The following DLGAP1 variants were observed in gnomAD, a reference collection of about 807,000 sequenced individuals.
DLGAP1 encodes disks large-associated protein 1.
A neutral mutation model predicts 90.8 loss-of-function variants in DLGAP1; 11 were observed. That is an observed-to-expected ratio of 0.12 (90% CI 0.08 to 0.20). DLGAP1 has a LOEUF of 0.20. Among genes scored for constraint, DLGAP1 ranks in the 10% least tolerant of loss-of-function variants. The pLI is 1.00. For missense variants in DLGAP1, 1,050 were observed against 1,333.8 expected, an observed-to-expected ratio of 0.79 and a Z score of 3.31; for synonymous variants, 558 against 540.7, an observed-to-expected ratio of 1.03 and a Z score of -0.44.
At chr18:4,229,021 A>G (rs2078247391) in intron 1 of DLGAP1, among the ~76,000 whole-genome samples, 1 of 152,106 alleles carries the variant, frequency 6.6e-6, no homozygotes, top group African/African-American at 2.4e-5. Flanking sequence ...AAGCATCAGT[A>G]GCATTTATAT....
chr18:3,885,622 T>G (rs1295813328), intron 3 of DLGAP1, among the ~76,000 whole-genome samples: 3 of 152,246 alleles, frequency 2.0e-5, no homozygotes, highest in Admixed American at 1.3e-4. Context: ...ATGGGGACTG[T>G]GGTCAGCATG....
At chr18:4,307,087 G>T (rs2080280822) in intron 1 of DLGAP1, among the ~76,000 whole-genome samples, 1 of 152,164 alleles carries the variant, frequency 6.6e-6, no homozygotes, top group South Asian at 2.1e-4. Context: ...GGAAATTTCA[G>T]ATTTTACACA....
Position 3,582,043 on chromosome 18 carries a change from C to G in DLGAP1, c.1797G>C (p.Leu599=). 6.2e-7 allele frequency: 1 copy of G among 1,612,042 alleles called. No homozygotes were observed. The highest frequency in any genetic ancestry group is 8.5e-7 in the Non-Finnish European group (1 of 1,179,690). ...STESLDSMKA[L]TAAIEAANAQ... is the part of the protein sequence containing the mutation. ...CGTTTGCAGCTTCGATGGCGGCTGT[C>G]AGAGCCTTCATACTGTCCAGGCTCT... The change falls in exon 8 of 13, where the codon CTG becomes CTC. Residue 599 remains leucine, a synonymous_variant. Coordinates refer to ENST00000315677, the MANE Select transcript of DLGAP1 (RefSeq NM_004746.4).
At chr18:3,748,860 C>T (rs1353680596) in intron 5 of DLGAP1, among the ~76,000 whole-genome samples, 1 of 152,130 alleles carries the variant, frequency 6.6e-6, no homozygotes, top group Non-Finnish European at 1.5e-5. Context: ...TTTCAGTAAC[C>T]TTACCTATAA....
At chr18:4,000,539 G>A (rs1023810949) in intron 3 of DLGAP1, among the ~76,000 whole-genome samples, 1 of 152,066 alleles carries the variant, frequency 6.6e-6, no homozygotes, top group Non-Finnish European at 1.5e-5. Flanking sequence ...TTCTATTGTC[G>A]ATGATTCTCT....
chr18:3,685,578 A>T (rs1162838325), intron 7 of DLGAP1, among the ~76,000 whole-genome samples: 1 of 149,882 alleles, frequency 6.7e-6, no homozygotes, highest in African/African-American at 2.5e-5. Context: ...AAAAAAAAAA[A>T]AAAAAAAAAA....
chr18:4,302,938 G>T (rs972706030), intron 1 of DLGAP1, among the ~76,000 whole-genome samples: 1 of 151,368 alleles, frequency 6.6e-6, no homozygotes. Flanking sequence ...TTATTTTTTT[G>T]GTTAACTTTA....
At chr18:3,532,809 C>T (rs2052097123) in intron 10 of DLGAP1, among the ~76,000 whole-genome samples, 1 of 152,058 alleles carries the variant, frequency 6.6e-6, no homozygotes, top group Admixed American at 6.6e-5. Context: ...AAACATACAA[C>T]ATTAAAATAC....
At chr18:3,634,970 C>T (rs978747137) in intron 7 of DLGAP1, among the ~76,000 whole-genome samples, 4 of 152,028 alleles carry the variant, frequency 2.6e-5, no homozygotes, top group Non-Finnish European at 5.9e-5. Context: ...AGACATTTTC[C>T]CTGGCTCCTG....
At chr18:3,856,476 G>C (rs1184545947) in intron 4 of DLGAP1, among the ~76,000 whole-genome samples, 1 of 152,092 alleles carries the variant, frequency 6.6e-6, no homozygotes, top group Admixed American at 6.6e-5. Flanking sequence ...GGTGAAGTGA[G>C]GTCAACAGAA....
At chr18:4,298,208 T>C (rs1419047594) in intron 1 of DLGAP1, among the ~76,000 whole-genome samples, 1 of 152,204 alleles carries the variant, frequency 6.6e-6, no homozygotes, top group African/African-American at 2.4e-5. Flanking sequence ...CAGCCCTTTC[T>C]AGATGCGAGG....
chr18:3,501,901 A>C (rs59174200), intron 12 of DLGAP1, among the ~76,000 whole-genome samples: 36 of 149,122 alleles, frequency 2.4e-4, no homozygotes, highest in African/African-American at 8.4e-4. Flanking sequence ...TGAGGACCCC[A>C]GTGAGCAATA....
intron 3 of DLGAP1, among the ~76,000 whole-genome samples, chr18:3,924,133 A>G (rs1371690332): frequency 1.3e-5 from 2 of 152,158 alleles, no homozygotes; most frequent in East Asian, 3.9e-4. Context: ...TTACAGAAAT[A>G]GTGAGCCTGG....
At chr18:3,746,073 C>A (rs1245729134) in intron 5 of DLGAP1, among the ~76,000 whole-genome samples, 1 of 152,104 alleles carries the variant, frequency 6.6e-6, no homozygotes, top group African/African-American at 2.4e-5. Flanking sequence ...ATAAGGACTC[C>A]AGAAACAGAA....
intron 3 of DLGAP1, among the ~76,000 whole-genome samples, chr18:3,934,424 G>A (rs1278534592): frequency 6.6e-6 from 1 of 152,088 alleles, no homozygotes; most frequent in African/African-American, 2.4e-5. Flanking sequence ...TAAATATCTA[G>A]GGGCATCTGC....
intron 4 of DLGAP1, among the ~76,000 whole-genome samples, chr18:3,869,640 G>C (rs2070622853): frequency 1.3e-5 from 2 of 152,220 alleles, no homozygotes; most frequent in African/African-American, 4.8e-5. Context: ...ACACAAGACA[G>C]TGAAATTTTA....
intron 3 of DLGAP1, among the ~76,000 whole-genome samples, chr18:3,948,927 A>T (rs186114415): frequency 6.6e-6 from 1 of 152,300 alleles, no homozygotes; most frequent in Non-Finnish European, 1.5e-5. Flanking sequence ...GAAATAAAAA[A>T]TTTTAAAAAA....
At chr18:3,760,781 T>C (rs1040276668) in intron 5 of DLGAP1, among the ~76,000 whole-genome samples, 25 of 152,194 alleles carry the variant, frequency 1.6e-4, no homozygotes, top group South Asian at 2.1e-4. Flanking sequence ...TAGGACCAAA[T>C]TGATCACCAA....
At chr18:3,955,072 G>C (rs374082130) in intron 3 of DLGAP1, among the ~76,000 whole-genome samples, 1 of 152,102 alleles carries the variant, frequency 6.6e-6, no homozygotes, top group Admixed American at 6.5e-5. Context: ...CCAGGCTGCG[G>C]GGGGGAAGGA....
Sources: gnomAD v4.1 joint callset for allele counts (sites outside exome capture counted in the v4.1 genomes callset) on GRCh38, gnomAD v4.1.1 for gene constraint, MANE v1.5 for transcripts, NCBI Gene and HGNC (gene_info 2026-07-23, HGNC 2026-07-21) for gene names.